The following ABCC9 variants were observed in gnomAD, a reference collection of about 807,000 sequenced individuals.
ABCC9 encodes the protein ATP binding cassette subfamily C member 9.
ABCC9 carries 95 observed loss-of-function variants against 188.3 expected under a neutral mutation model. The ratio of observed to expected loss-of-function variants is 0.50; its 90% CI spans 0.43 to 0.60. The LOEUF (loss-of-function observed/expected upper bound fraction) is 0.60, where lower values mean the gene tolerates loss of function less well. ABCC9 is among the 20% of genes least tolerant of loss of function. The pLI, the probability that ABCC9 is intolerant of heterozygous loss-of-function variation, is 0.00. For missense variants in ABCC9, 1,102 were observed against 1,876.3 expected (o/e 0.59, Z 7.62); for synonymous variants, 659 against 652.7 (o/e 1.01, Z -0.15).
chr12:21,920,777 G>A (rs1202038514), intron 5 of ABCC9, among the ~76,000 whole-genome samples: 1 of 151,814 alleles, frequency 6.6e-6, no homozygotes, highest in Non-Finnish European at 1.5e-5. Flanking sequence ...GAGTTCAATT[G>A]TTTTTATTTT....
At chr12:21,837,749 C>G (rs1693176121) in intron 30 of ABCC9, among the ~76,000 whole-genome samples, 1 of 148,348 alleles carries the variant, frequency 6.7e-6, no homozygotes, top group African/African-American at 2.5e-5. Flanking sequence ...ATAATATTAA[C>G]TAGTCCAATG....
chr12:21,801,184 G>C lies in ABCC9; in HGVS notation c.4513-3C>G, dbSNP rs1941409087. ...GTCAGAATAGTGTGTACTCGATGCT[G>C]TGAGTGAAAAGAAAACATGTATTTG... On this transcript the variant is annotated splice_polypyrimidine_tract_variant and splice_region_variant and intron_variant, in intron 39 of 39. Coordinates refer to ENST00000261200, the MANE Select transcript of ABCC9 (RefSeq NM_020297.4). 6.2e-7 allele frequency: 1 copy of C among 1,613,776 alleles called. No homozygotes were observed. Among genetic ancestry groups the C allele is most frequent in the Non-Finnish European group, 8.5e-7 (1 of 1,179,908 alleles).
At chr12:21,929,533 C>A (rs931803746) in intron 4 of ABCC9, among the ~76,000 whole-genome samples, 14 of 151,560 alleles carry the variant, frequency 9.2e-5, no homozygotes, top group African/African-American at 3.1e-4. Context: ...TTGTAATGAG[C>A]ATTTGTCAGA....
chr12:21,818,112 T>C, intron 32 of ABCC9, 38 bp downstream of exon 32: 1 of 1,433,994 alleles, frequency 7.0e-7, no homozygotes, highest in South Asian at 1.1e-5. Context: ...ATGCGGTGTT[T>C]GGTTATCTGT....
chr12:21,810,944 A>C (rs900125708), intron 36 of ABCC9, among the ~76,000 whole-genome samples: 10 of 152,140 alleles, frequency 6.6e-5, no homozygotes, highest in African/African-American at 2.4e-4. Context: ...GGAGGTTAGG[A>C]GCAAAATAGA....
In ABCC9 at chr12:21,799,904, C is replaced by A. The variant is rs1215225439; in HGVS notation, c.*1140G>T. Reference sequence around the variant, plus strand: ...GCAAAACCTAACACTAATATCCCATCAATTTTTGATACACTCTTTACATGC... The same window carrying A: ...GCAAAACCTAACACTAATATCCCATAAATTTTTGATACACTCTTTACATGC... On this transcript the variant is annotated 3_prime_UTR_variant, in exon 40 of 40. Transcript: ENST00000261200. The A allele has an allele frequency of 6.6e-6, 1 of 152,074 alleles. No homozygotes were observed. Among genetic ancestry groups the A allele is most frequent in the Non-Finnish European group, 1.5e-5 (1 of 68,002 alleles). 9.4% of individuals were successfully genotyped at this position (152,074 alleles called of 1,614,324 possible).
intron 28 of ABCC9, among the ~76,000 whole-genome samples, chr12:21,843,810 C>T (rs544434835): frequency 6.6e-6 from 1 of 152,198 alleles, no homozygotes; most frequent in African/African-American, 2.4e-5. Flanking sequence ...ACTCTGCAGT[C>T]AGCTGCATGC....
chr12:21,805,006 A>C, intron 39 of ABCC9: 1 of 320,154 alleles, frequency 3.1e-6, no homozygotes, highest in Non-Finnish European at 4.5e-6. Context: ...TTCGGTAGTG[A>C]GCATGACAAA....
intron 7 of ABCC9, among the ~76,000 whole-genome samples, chr12:21,915,430 G>A (rs12372112): frequency 1.1e-4 from 13 of 119,576 alleles, no homozygotes; most frequent in African/African-American, 4.0e-4. Flanking sequence ...ATATATGTGT[G>A]TATATATGTG....
At chr12:21,859,202 CT>C (rs1435363997) in intron 22 of ABCC9, among the ~76,000 whole-genome samples, 3 of 152,156 alleles carry the variant, frequency 2.0e-5, no homozygotes, top group African/African-American at 4.8e-5. Flanking sequence ...GAATGGGGTA[CT>C]ACGCTTACTT....
rs772155548 is a variant in ABCC9, at chr12:21,838,037, G to T, written c.3566+41C>A. The T allele has an allele frequency of 1.5e-5, 21 of 1,420,902 alleles. 1 individual carries two copies. The Middle Eastern group carries it at 5.4e-4, about 37-fold the overall frequency. 88.0% of individuals were successfully genotyped at this position (1,420,902 alleles called of 1,614,324 possible). ...TTGTAGAAAAATATTTGTTGATGAT[G>T]TTATTGCCTAGTCAGCTAATATAAA... On this transcript the variant is annotated intron_variant, in intron 30 of 39. Coordinates refer to ENST00000261200, the MANE Select transcript of ABCC9 (RefSeq NM_020297.4).
chr12:21,811,125 T>G (rs1480800614), intron 36 of ABCC9, among the ~76,000 whole-genome samples: 3 of 152,120 alleles, frequency 2.0e-5, no homozygotes, highest in Non-Finnish European at 4.4e-5. Context: ...GTTCTCATGA[T>G]AGAGAGTGAG....
chr12:21,809,942 G>GCATTTAATTTA lies in ABCC9; in HGVS notation c.4224_4225insTAAATTAAATG (p.Pro1409Ter). On this transcript the variant is annotated stop_gained and frameshift_variant, in exon 37 of 40. Transcript: ENST00000261200. LOFTEE classifies it high-confidence loss of function. Reference sequence around the variant, plus strand: ...CTGTCATCTGTGCATTTGCACTCTGGATCTAAATTAAATCTGTAGGGAAAA... The same window carrying GCATTTAATTTA: ...CTGTCATCTGTGCATTTGCACTCTGGCATTTAATTTAATCTAAATTAAATCTGTAGGGAAAA... The GCATTTAATTTA allele has an allele frequency of 6.2e-7, 1 of 1,608,934 alleles. No individual in the cohort carries two copies. Among genetic ancestry groups the GCATTTAATTTA allele is most frequent in the Non-Finnish European group, 8.5e-7 (1 of 1,176,352 alleles).
chr12:21,814,745 A>G, intron 34 of ABCC9, 23 bp from the exon 35 acceptor site: 3 of 1,605,174 alleles, frequency 1.9e-6, no homozygotes, highest in Non-Finnish European at 2.6e-6. Flanking sequence ...CTGTCACTCA[A>G]AGAGAAGAGG....
intron 5 of ABCC9, chr12:21,925,526 T>C (rs1167116931): frequency 2.8e-6 from 2 of 702,612 alleles, no homozygotes; most frequent in Admixed American, 2.0e-5. Flanking sequence ...GAAAATGTCC[T>C]TGGACTCCAA....
rs115384074 is a variant in ABCC9, at chr12:21,868,127, T to C, written c.2199-3650A>G. Among the ~76,000 whole-genome samples, 1,099 of 152,318 alleles carry C rather than the reference T, an allele frequency of 7.2e-3. 11 individuals carry two copies. The highest frequency in any genetic ancestry group is 0.025 in the African/African-American group (1,052 of 41,568). On this transcript the variant is annotated intron_variant, in intron 18 of 39. Coordinates refer to ENST00000261200, the MANE Select transcript of ABCC9 (RefSeq NM_020297.4). ...CATTCCTCTCTCCTCTCTCTCATCT[T>C]TTCTCTTCTGGGTCTACAATATGTC...
intron 34 of ABCC9, among the ~76,000 whole-genome samples, chr12:21,815,522 C>T (rs1010890274): frequency 2.0e-5 from 3 of 152,112 alleles, no homozygotes; most frequent in African/African-American, 7.2e-5. Flanking sequence ...TTTTTAAAAA[C>T]ATGCCTATTG....
chr12:21,932,668 A>G (rs1167841271), intron 4 of ABCC9, among the ~76,000 whole-genome samples: 2 of 152,160 alleles, frequency 1.3e-5, no homozygotes, highest in African/African-American at 4.8e-5. Context: ...AGAGAAATGC[A>G]AATATAAACC....
At chr12:21,827,055 G>A (rs1389344836) in intron 31 of ABCC9, 3 of 945,170 alleles carry the variant, frequency 3.2e-6, no homozygotes, top group Non-Finnish European at 3.8e-6. Context: ...TTTGCAGGTG[G>A]AATTCAAGAT....
Sources: allele counts gnomAD v4.1 joint callset (sites outside exome capture counted in the v4.1 genomes callset), GRCh38; gene constraint gnomAD v4.1.1; transcripts MANE v1.5; gene names NCBI Gene and HGNC (gene_info 2026-07-23, HGNC 2026-07-21).